Variants in NRG2 observed in about 807,000 individuals in gnomAD.
NRG2 encodes the protein pro-neuregulin-2, membrane-bound isoform.
NRG2 carries 27 observed loss-of-function variants against 73.9 expected under a neutral mutation model. The ratio of observed to expected loss-of-function variants is 0.37; its 90% CI spans 0.27 to 0.50. The LOEUF is 0.50. NRG2 is among the 20% of genes least tolerant of loss of function. The pLI, the probability that NRG2 is intolerant of heterozygous loss-of-function variation, is 0.96. For missense variants in NRG2, 1,126 were observed against 1,210.1 expected (o/e 0.93, Z 1.03); for synonymous variants, 532 against 541.0 (o/e 0.98, Z 0.23).
chr5:139,905,082 G>A (rs1252710980), intron 1 of NRG2, among the ~76,000 whole-genome samples: 1 of 152,172 alleles, frequency 6.6e-6, no homozygotes, highest in Non-Finnish European at 1.5e-5. Flanking sequence ...CACTCTGCAG[G>A]GAACCTGGGT....
intron 1 of NRG2, among the ~76,000 whole-genome samples, chr5:139,897,899 G>T (rs2127159612): frequency 6.6e-6 from 1 of 152,324 alleles, no homozygotes; most frequent in South Asian, 2.1e-4. Context: ...CCATTAAGGG[G>T]CTCCAGCCTG....
chr5:139,863,600 G>A (rs1581797248), intron 5 of NRG2, among the ~76,000 whole-genome samples: 1 of 152,200 alleles, frequency 6.6e-6, no homozygotes, highest in Non-Finnish European at 1.5e-5. Flanking sequence ...TCACAAGCCC[G>A]GGAGGCTCTC....
At chr5:139,930,890 GA>G (rs1334818240) in intron 1 of NRG2, among the ~76,000 whole-genome samples, 1 of 152,196 alleles carries the variant, frequency 6.6e-6, no homozygotes, top group Non-Finnish European at 1.5e-5. Flanking sequence ...AGAATCCACA[GA>G]TTTATCTGGG....
chr5:139,943,891 A>G (rs1753594452), intron 1 of NRG2, among the ~76,000 whole-genome samples: 1 of 152,202 alleles, frequency 6.6e-6, no homozygotes, highest in South Asian at 2.1e-4. Context: ...AAACAAACAA[A>G]CAAACCCATA....
At chr5:139,998,405 T>C (rs182888457) in intron 1 of NRG2, among the ~76,000 whole-genome samples, 3 of 152,344 alleles carry the variant, frequency 2.0e-5, no homozygotes, top group Admixed American at 1.3e-4. Flanking sequence ...GCCGGCCACG[T>C]GACCATCTCA....
intron 1 of NRG2, among the ~76,000 whole-genome samples, chr5:139,993,794 A>AC (rs1757821350): frequency 3.3e-3 from 1 of 304 alleles, no homozygotes. Context: ...TGTTACGCTG[A>AC]TAAAGGAGTA....
chr5:140,039,695 CA>C (rs199679387), intron 1 of NRG2, among the ~76,000 whole-genome samples: 167 of 150,988 alleles, frequency 1.1e-3, no homozygotes, highest in African/African-American at 3.4e-3. Flanking sequence ...TGCCCCCCTC[CA>C]AAAAAAAACC....
intron 1 of NRG2, among the ~76,000 whole-genome samples, chr5:139,927,282 C>A (rs997596479): frequency 6.6e-6 from 1 of 152,184 alleles, no homozygotes; most frequent in African/African-American, 2.4e-5. Context: ...TCCTCCCTCC[C>A]TTCCCTGCTG....
At chr5:139,981,406 C>T (rs1040105284) in intron 1 of NRG2, among the ~76,000 whole-genome samples, 4 of 152,260 alleles carry the variant, frequency 2.6e-5, no homozygotes, top group Admixed American at 2.6e-4. Flanking sequence ...TGGCCCTGGC[C>T]TGGGTCTCCC....
At chr5:139,993,737 T>C (rs977108950) in intron 1 of NRG2, among the ~76,000 whole-genome samples, 5 of 152,232 alleles carry the variant, frequency 3.3e-5, no homozygotes, top group African/African-American at 1.2e-4. Context: ...TATATCAAAA[T>C]TATATTACAG....
chr5:139,966,146 T>C (rs564552949), intron 1 of NRG2, among the ~76,000 whole-genome samples: 2 of 152,116 alleles, frequency 1.3e-5, no homozygotes, highest in Non-Finnish European at 2.9e-5. Context: ...ATGGTCTCTG[T>C]CCAGAGAACC....
intron 1 of NRG2, among the ~76,000 whole-genome samples, chr5:140,039,091 A>G (rs1381033405): frequency 6.6e-6 from 1 of 152,238 alleles, no homozygotes; most frequent in African/African-American, 2.4e-5. Context: ...CCTTGTAGCA[A>G]CAAAGTACAC....
intron 1 of NRG2, among the ~76,000 whole-genome samples, chr5:139,984,991 C>T (rs1375518811): frequency 2.6e-5 from 4 of 152,188 alleles, no homozygotes; most frequent in Non-Finnish European, 5.9e-5. Flanking sequence ...CATGCAGATA[C>T]TGACCTCACT....
In NRG2 at chr5:139,904,351, G is replaced by A. The variant is rs1450491763; in HGVS notation, c.701-16840C>T. ...CTCCCTCTCCCGCTTCCTCCCCTCTGGGTGCTTCTTGCCGCGGCCGCGGCC... is the reference window on the plus strand; with the variant it reads ...CTCCCTCTCCCGCTTCCTCCCCTCTAGGTGCTTCTTGCCGCGGCCGCGGCC... On this transcript the variant is annotated intron_variant, in intron 1 of 9. Coordinates refer to ENST00000361474, the MANE Select transcript of NRG2 (RefSeq NM_004883.3). This position sits in a 1 kb window ranked among gnomAD's most constrained non-coding sequence, Gnocchi z 6.0. 1 of 1,593,270 alleles carries A rather than the reference G, an allele frequency of 6.3e-7. No homozygotes were observed. The highest frequency in any genetic ancestry group is 1.3e-5 in the African/African-American group (1 of 74,390).
chr5:139,847,790 A>T lies in NRG2; in HGVS notation c.*127T>A. ...AAATGAAAATAAAACATTTTGTTAT[A>T]CTTTTTTCCTTTTATAGAAAATAAA... On this transcript the variant is annotated 3_prime_UTR_variant, in exon 10 of 10. Coordinates refer to ENST00000361474, the MANE Select transcript of NRG2 (RefSeq NM_004883.3). 1.5e-6 allele frequency: 1 copy of T among 667,068 alleles called. No individual in the cohort carries two copies. Among genetic ancestry groups the T allele is most frequent in the Non-Finnish European group, 2.1e-6 (1 of 465,648 alleles). 41.3% of individuals were successfully genotyped at this position (667,068 alleles called of 1,614,324 possible).
intron 1 of NRG2, among the ~76,000 whole-genome samples, chr5:139,993,133 G>A (rs1475865712): frequency 5.9e-5 from 9 of 151,866 alleles, no homozygotes; most frequent in Non-Finnish European, 1.0e-4. Flanking sequence ...TGGTGGGGAG[G>A]GGGAGGTTCT....
Position 139,865,510 on chromosome 5 carries a change from C to T in NRG2, c.1189+39G>A. ...TGGGGGGACTGCACCCAGAAGCTTT[C>T]TAAGGAGCAGGGACTTGTGTTTGTA... is the stretch of plus-strand genomic sequence containing the variant. On this transcript the variant is annotated intron_variant, in intron 5 of 9. Coordinates refer to ENST00000361474, the MANE Select transcript of NRG2 (RefSeq NM_004883.3). This position sits in a 1 kb window ranked among gnomAD's most constrained non-coding sequence, Gnocchi z 5.2. The T allele has an allele frequency of 6.5e-7, 1 of 1,548,914 alleles. No individual in the cohort carries two copies. Among genetic ancestry groups the T allele is most frequent in the Non-Finnish European group, 8.9e-7 (1 of 1,122,786 alleles).
At chr5:139,905,836 G>A (rs1049436107) in intron 1 of NRG2, among the ~76,000 whole-genome samples, 1 of 152,140 alleles carries the variant, frequency 6.6e-6, no homozygotes. Flanking sequence ...TCTCACTTCT[G>A]CTTCAACCCC....
intron 1 of NRG2, among the ~76,000 whole-genome samples, chr5:139,939,430 G>A (rs1361120146): frequency 6.6e-6 from 1 of 151,802 alleles, no homozygotes; most frequent in Non-Finnish European, 1.5e-5. Flanking sequence ...ATGAGCCACA[G>A]TGCTCAGCTA....
Sources: allele counts gnomAD v4.1 joint callset (sites outside exome capture counted in the v4.1 genomes callset), GRCh38; gene constraint gnomAD v4.1.1; non-coding constraint Gnocchi (gnomAD v3.1); transcripts MANE v1.5; gene names NCBI Gene and HGNC (gene_info 2026-07-23, HGNC 2026-07-21).